Variants in SDHC observed in about 807,000 individuals in gnomAD.
The protein encoded by SDHC is succinate dehydrogenase complex subunit C, also known as succinate dehydrogenase cytochrome b560 subunit, mitochondrial.
In SDHC, 11 loss-of-function variants were observed where a neutral mutation model predicts 22.6. The observed-to-expected ratio is 0.49, with a 90% confidence interval of 0.31 to 0.81. SDHC has a LOEUF of 0.81. Among genes scored for constraint, SDHC ranks in the 30% least tolerant of loss-of-function variants. SDHC has a pLI of 0.05. For missense variants in SDHC, 160 were observed against 212.0 expected (o/e 0.75, Z 1.52); for synonymous variants, 80 against 77.8 (o/e 1.03, Z -0.15).
At position 161,331,594 on chromosome 1, in the gene SDHC, C is replaced by CTTT. The variant is rs376565137; in HGVS notation, c.179+3112_179+3114dup. 7.3e-4 allele frequency among the ~76,000 whole-genome samples: 97 copies of CTTT among 132,658 alleles called. 2 individuals carry two copies. The South Asian group carries it at 0.021, about 29-fold the overall frequency. 87.0% of individuals were successfully genotyped at this position (132,658 alleles called of 152,430 possible). A position where few individuals can be genotyped will look rare whatever the true frequency, so the allele number is the denominator to read the frequency against. ...TGTACCAGGCCTTGACAGTAAATAT[C>CTTT]TTTTTTTTTTTTTTTTTCTGAGACA... On this transcript the variant is annotated intron_variant, in intron 3 of 5. Coordinates refer to ENST00000367975, the MANE Select transcript of SDHC (RefSeq NM_003001.5).
At chr1:161,321,821 T>G (rs1670851760) in intron 1 of SDHC, among the ~76,000 whole-genome samples, 1 of 152,230 alleles carries the variant, frequency 6.6e-6, no homozygotes, top group Non-Finnish European at 1.5e-5. Flanking sequence ...AGATCTTGTG[T>G]CCTAGTGCCT....
intron 2 of SDHC, among the ~76,000 whole-genome samples, 167 bp downstream of exon 2, chr1:161,323,837 A>G (rs1172810743): frequency 6.6e-6 from 1 of 151,944 alleles, no homozygotes; most frequent in Non-Finnish European, 1.5e-5. Context: ...CTGGGACTAC[A>G]GGCGCCCACC....
chr1:161,361,260 T>A (rs1571897048), intron 5 of SDHC, among the ~76,000 whole-genome samples: 1 of 151,322 alleles, frequency 6.6e-6, no homozygotes, highest in African/African-American at 2.4e-5. Flanking sequence ...TATATAAATA[T>A]ATACTTGTAT....
Position 161,328,428 on chromosome 1 carries a change from A to T in SDHC, c.110A>T (p.Glu37Val), listed in dbSNP as rs1671147192. 6.2e-7 allele frequency: 1 copy of T among 1,613,872 alleles called. No homozygotes were observed. The highest frequency in any genetic ancestry group is 8.5e-7 in the Non-Finnish European group (1 of 1,179,776). ...CCTTTGGGAACCACGGCCAAAGAAG[A>T]GATGGAGCGGTTCTGGAATAAGAAT... The part of the protein sequence containing the change: ...AVPLGTTAKE[E>V]MERFWNKNIG... The change falls in exon 3 of 6, where the codon GAG becomes GTG. Residue 37 changes from glutamate (E) to valine (V), a missense_variant. Transcript: ENST00000367975.
At chr1:161,342,352 A>G (rs1457612869) in intron 4 of SDHC, among the ~76,000 whole-genome samples, 2 of 152,202 alleles carry the variant, frequency 1.3e-5, no homozygotes, top group African/African-American at 2.4e-5. Context: ...AAATGCTCCA[A>G]TGCACTATTA....
intron 4 of SDHC, among the ~76,000 whole-genome samples, chr1:161,354,318 G>T (rs1391414104): frequency 6.6e-6 from 1 of 152,198 alleles, no homozygotes; most frequent in Non-Finnish European, 1.5e-5. Context: ...TGTGATCATT[G>T]AAAGAAATCT....
At chr1:161,339,660 GTGTTTTTTTT>G in intron 3 of SDHC, 1 of 87,232 alleles carries the variant, frequency 1.1e-5, no homozygotes, top group Non-Finnish European at 2.2e-5. Flanking sequence ...CCTGATACAG[GTGTTTTTTTT>G]TTTTTTTTTT....
At chr1:161,335,208 T>G (rs1671429468) in intron 3 of SDHC, among the ~76,000 whole-genome samples, 1 of 152,214 alleles carries the variant, frequency 6.6e-6, no homozygotes, top group South Asian at 2.1e-4. Context: ...GTCAGTACAT[T>G]GTATCAGGAG....
intron 1 of SDHC, among the ~76,000 whole-genome samples, chr1:161,320,405 C>T (rs886252888): frequency 6.6e-6 from 1 of 152,064 alleles, no homozygotes; most frequent in Non-Finnish European, 1.5e-5. Context: ...GGTATACCAT[C>T]AGATCAAGTT....
intron 3 of SDHC, among the ~76,000 whole-genome samples, chr1:161,334,442 G>C (rs1162977349): frequency 6.6e-6 from 1 of 151,998 alleles, no homozygotes; most frequent in East Asian, 1.9e-4. Flanking sequence ...GTCTCGCTGT[G>C]TTGCCCAGGC....
At chr1:161,331,424 G>A (rs373861318) in intron 3 of SDHC, among the ~76,000 whole-genome samples, 1 of 151,202 alleles carries the variant, frequency 6.6e-6, no homozygotes, top group African/African-American at 2.4e-5. Flanking sequence ...ATGTCACCAC[G>A]CCCAGCTAAT....
At chr1:161,350,486 A>G (rs1237652859) in intron 4 of SDHC, among the ~76,000 whole-genome samples, 2 of 152,252 alleles carry the variant, frequency 1.3e-5, no homozygotes, top group East Asian at 3.8e-4. Context: ...TGAGTAATGT[A>G]GTGTAGCTTA....
At chr1:161,348,800 T>A (rs75692182) in intron 4 of SDHC, among the ~76,000 whole-genome samples, 17,776 of 151,738 alleles carry the variant, frequency 0.12, 1,414 homozygotes, top group African/African-American at 0.22. Context: ...ATCGCACCAG[T>A]GCACTCCAGC....
intron 4 of SDHC, among the ~76,000 whole-genome samples, chr1:161,348,153 TTTTG>T (rs1038636128): frequency 1.1e-4 from 16 of 152,026 alleles, no homozygotes; most frequent in East Asian, 3.9e-4. Context: ...ACTTGACAAT[TTTTG>T]TTTGTTTGTT....
intron 3 of SDHC, among the ~76,000 whole-genome samples, chr1:161,332,244 G>T (rs190649607): frequency 4.8e-4 from 73 of 152,198 alleles, no homozygotes; most frequent in African/African-American, 1.7e-3. Flanking sequence ...CAAAGTGTTG[G>T]GGTTACAGCT....
intron 2 of SDHC, among the ~76,000 whole-genome samples, chr1:161,325,513 C>A (rs1446806805): frequency 6.6e-6 from 1 of 152,030 alleles, no homozygotes; most frequent in Non-Finnish European, 1.5e-5. Context: ...AACCCCTTCT[C>A]TACAAAAAAT....
chr1:161,342,712 T>C (rs1227495906), intron 4 of SDHC, among the ~76,000 whole-genome samples: 1 of 152,054 alleles, frequency 6.6e-6, no homozygotes, highest in African/African-American at 2.4e-5. Context: ...AGATGGGGTT[T>C]CTGAACTCCT....
intron 4 of SDHC, among the ~76,000 whole-genome samples, chr1:161,350,489 G>A (rs1479160419): frequency 1.3e-5 from 2 of 152,302 alleles, no homozygotes; most frequent in African/African-American, 2.4e-5. Context: ...GTAATGTAGT[G>A]TAGCTTAAAA....
intron 5 of SDHC, among the ~76,000 whole-genome samples, chr1:161,357,372 C>A (rs1326986103): frequency 6.6e-6 from 1 of 152,050 alleles, no homozygotes; most frequent in Non-Finnish European, 1.5e-5. Context: ...TGCAGGGTCT[C>A]ATTGGGAACT....
Sources: allele counts gnomAD v4.1 joint callset (sites outside exome capture counted in the v4.1 genomes callset), GRCh38; gene constraint gnomAD v4.1.1; transcripts MANE v1.5; gene names NCBI Gene and HGNC (gene_info 2026-07-23, HGNC 2026-07-21).